The following CHMP4C variants were observed in gnomAD, a reference collection of about 807,000 sequenced individuals.
CHMP4C encodes the protein SNF7 homolog associated with Alix 3.
A neutral mutation model predicts 29.0 loss-of-function variants in CHMP4C; 28 were observed. The ratio of observed to expected loss-of-function variants is 0.97; its 90% CI spans 0.72 to 1.32. The LOEUF (loss-of-function observed/expected upper bound fraction) is 1.32, where lower values mean the gene tolerates loss of function less well. Among genes scored for constraint, CHMP4C ranks in the 40% most tolerant of loss-of-function variants. The pLI is 0.00. For missense variants in CHMP4C, 291 were observed against 281.0 expected (o/e 1.04, Z -0.25); for synonymous variants, 106 against 102.4 (o/e 1.04, Z -0.21).
intron 1 of CHMP4C, among the ~76,000 whole-genome samples, chr8:81,746,598 C>T (rs1291403999): frequency 6.6e-6 from 1 of 152,232 alleles, no homozygotes; most frequent in Non-Finnish European, 1.5e-5. Context: ...CTAGCTGCTT[C>T]ACTTAATTTC....
chr8:81,737,074 A>G, intron 1 of CHMP4C, among the ~76,000 whole-genome samples: 1 of 152,258 alleles, frequency 6.6e-6, no homozygotes. Context: ...AGGAGGCCAG[A>G]GATTCTTGAA....
intron 1 of CHMP4C, among the ~76,000 whole-genome samples, chr8:81,749,913 G>C (rs925967965): frequency 2.0e-5 from 3 of 152,174 alleles, no homozygotes; most frequent in Admixed American, 2.0e-4. Context: ...GAGGCATTTT[G>C]CCCCTGCCCT....
At chr8:81,752,882 C>T (rs191713657) in intron 1 of CHMP4C, among the ~76,000 whole-genome samples, 182 bp from the exon 2 acceptor site, 30 of 152,172 alleles carry the variant, frequency 2.0e-4, no homozygotes, top group African/African-American at 4.6e-4. Context: ...ATGTTGGAGA[C>T]GGTACTAGTT....
Position 81,744,989 on chromosome 8 carries a change from C to T in CHMP4C, c.191-8075C>T, listed in dbSNP as rs532705447. On this transcript the variant is annotated intron_variant, in intron 1 of 4. Transcript: ENST00000297265. ...TTCTATTTCCCCAGTTGTTTTCAATCTAACCTGTGACATTGAGCAGATATA... is the reference window on the plus strand; with the variant it reads ...TTCTATTTCCCCAGTTGTTTTCAATTTAACCTGTGACATTGAGCAGATATA... Among the ~76,000 whole-genome samples the T allele has an allele frequency of 2.6e-5, 4 of 152,306 alleles. No individual in the cohort carries two copies. The East Asian group carries it at 7.7e-4, about 29-fold the overall frequency.
intron 1 of CHMP4C, among the ~76,000 whole-genome samples, chr8:81,745,242 C>T (rs938924366): frequency 6.6e-6 from 1 of 152,192 alleles, no homozygotes; most frequent in African/African-American, 2.4e-5. Flanking sequence ...TGACATGTCT[C>T]TTAAGCATTC....
chr8:81,732,803 G>T lies in CHMP4C; in HGVS notation c.177G>T (p.Thr59=). ...REIALAKKHG[T]QNKRAALQAL... is the part of the protein sequence containing the mutation. Reference sequence around the variant, plus strand: ...TCGCCCTGGCCAAGAAGCACGGCACGCAGAATAAGCGAGGTAGGCTGGGGT... The same window carrying T: ...TCGCCCTGGCCAAGAAGCACGGCACTCAGAATAAGCGAGGTAGGCTGGGGT... The change falls in exon 1 of 5, where the codon ACG becomes ACT. Residue 59 remains threonine (T), a synonymous_variant. Transcript: ENST00000297265. The T allele has an allele frequency of 6.2e-7, 1 of 1,611,916 alleles. No homozygotes were observed. Among genetic ancestry groups the T allele is most frequent in the Non-Finnish European group, 8.5e-7 (1 of 1,179,068 alleles).
At chr8:81,756,511 A>G (rs1274176674) in intron 3 of CHMP4C, among the ~76,000 whole-genome samples, 2 of 152,178 alleles carry the variant, frequency 1.3e-5, no homozygotes, top group Non-Finnish European at 2.9e-5. Flanking sequence ...ATCATTTGTT[A>G]AAAACTTTGT....
At chr8:81,743,507 A>C (rs1256802526) in intron 1 of CHMP4C, among the ~76,000 whole-genome samples, 6 of 152,152 alleles carry the variant, frequency 3.9e-5, no homozygotes, top group African/African-American at 1.4e-4. Context: ...ACAATTAATT[A>C]GATTTTTACA....
chr8:81,735,019 G>A (rs1172320985), intron 1 of CHMP4C, among the ~76,000 whole-genome samples: 1 of 151,862 alleles, frequency 6.6e-6, no homozygotes, highest in East Asian at 1.9e-4. Context: ...TCAGCTTCCC[G>A]AGTAGCTGGG....
intron 1 of CHMP4C, among the ~76,000 whole-genome samples, chr8:81,733,103 G>C (rs1207421833): frequency 6.6e-6 from 1 of 151,996 alleles, no homozygotes; most frequent in Non-Finnish European, 1.5e-5. Context: ...AAATGATGAA[G>C]AAAATATCAA....
chr8:81,756,792 G>C (rs1329113810), intron 3 of CHMP4C, among the ~76,000 whole-genome samples: 1 of 152,110 alleles, frequency 6.6e-6, no homozygotes, highest in African/African-American at 2.4e-5. Flanking sequence ...GCATAGGATA[G>C]CTTGTTCTGC....
At chr8:81,753,348 T>C (rs1181250519) in intron 2 of CHMP4C, 107 bp downstream of exon 2, 1 of 687,976 alleles carries the variant, frequency 1.5e-6, no homozygotes, top group Non-Finnish European at 2.2e-6. Context: ...CATTTGAGGC[T>C]CTTTGACATG....
At chr8:81,743,525 T>C (rs913754050) in intron 1 of CHMP4C, among the ~76,000 whole-genome samples, 1 of 152,146 alleles carries the variant, frequency 6.6e-6, no homozygotes, top group Non-Finnish European at 1.5e-5. Context: ...ACAAAGAATA[T>C]AAAATAGATT....
intron 1 of CHMP4C, among the ~76,000 whole-genome samples, chr8:81,734,350 G>T (rs1413166607): frequency 6.6e-6 from 1 of 152,144 alleles, no homozygotes; most frequent in South Asian, 2.1e-4. Flanking sequence ...GTTGTTTTGA[G>T]ACAGAGTTTC....
chr8:81,740,015 C>A (rs1808743580), intron 1 of CHMP4C, among the ~76,000 whole-genome samples: 2 of 152,074 alleles, frequency 1.3e-5, no homozygotes, highest in South Asian at 4.2e-4. Context: ...GATTTTAATT[C>A]CAATTTTATT....
chr8:81,735,521 G>A (rs1808678457), intron 1 of CHMP4C, among the ~76,000 whole-genome samples: 1 of 152,158 alleles, frequency 6.6e-6, no homozygotes, highest in Admixed American at 6.5e-5. Flanking sequence ...GCCCCTGTGT[G>A]GCACAATGCC....
In CHMP4C at chr8:81,732,553, C is replaced by T. The variant is rs148028846; in HGVS notation, c.-74C>T. ...GTCCCCGAGAGGACTGCCTTGCTCA[C>T]CTGTCCCCTCGGCGCGGCCCCGGGG... On this transcript the variant is annotated 5_prime_UTR_variant, in exon 1 of 5. Transcript: ENST00000297265. The T allele has an allele frequency of 2.1e-3, 2,479 of 1,178,232 alleles. 6 individuals are homozygous for T. The highest frequency in any genetic ancestry group is 2.7e-3 in the Non-Finnish European group (2,282 of 847,862). The allele number at this position is 1,178,232 out of a possible 1,614,324, so 73.0% of individuals were successfully genotyped here.
chr8:81,747,994 C>T (rs373437351), intron 1 of CHMP4C, among the ~76,000 whole-genome samples: 10 of 152,160 alleles, frequency 6.6e-5, no homozygotes, highest in Admixed American at 2.0e-4. Flanking sequence ...GAGTCTATCT[C>T]ACCTCTGCAA....
intron 1 of CHMP4C, among the ~76,000 whole-genome samples, chr8:81,742,950 T>C (rs1214492236): frequency 2.6e-5 from 4 of 152,160 alleles, no homozygotes; most frequent in Admixed American, 1.3e-4. Flanking sequence ...CATTAAAGAA[T>C]AGTATAGTTC....
Sources: gnomAD v4.1 joint callset for allele counts (sites outside exome capture counted in the v4.1 genomes callset) on GRCh38, gnomAD v4.1.1 for gene constraint, MANE v1.5 for transcripts, NCBI Gene and HGNC (gene_info 2026-07-23, HGNC 2026-07-21) for gene names.